FAM107B: variants seen among roughly 807,000 people sequenced by gnomAD.
The protein encoded by FAM107B is family with sequence similarity 107 member B, also known as protein FAM107B.
Under a neutral mutation model 31.5 loss-of-function variants are expected in FAM107B, and 21 were observed. The ratio of observed to expected loss-of-function variants is 0.67; its 90% CI spans 0.47 to 0.96. The LOEUF is 0.96. FAM107B is among the 40% of genes least tolerant of loss of function. The pLI is 0.00. For missense variants in FAM107B, 452 were observed against 377.1 expected, an observed-to-expected ratio of 1.20 and a Z score of -1.64; for synonymous variants, 157 against 141.5, an observed-to-expected ratio of 1.11 and a Z score of -0.78.
chr10:14,572,376 A>G, intron 2 of FAM107B: 1 of 985,392 alleles, frequency 1.0e-6, no homozygotes, highest in Non-Finnish European at 1.2e-6. Flanking sequence ...ACCTGACTGC[A>G]GGAAGCATGC....
intron 1 of FAM107B, among the ~76,000 whole-genome samples, chr10:14,668,190 C>T (rs1397225009): frequency 2.0e-5 from 3 of 152,044 alleles, no homozygotes; most frequent in Non-Finnish European, 4.4e-5. Flanking sequence ...TACAGGCATG[C>T]ACCACCAGGC....
intron 1 of FAM107B, among the ~76,000 whole-genome samples, chr10:14,670,447 C>T (rs1314094030): frequency 6.6e-6 from 1 of 152,178 alleles, no homozygotes; most frequent in Non-Finnish European, 1.5e-5. Flanking sequence ...CAAATAAATG[C>T]AGTAAGTCAT....
At chr10:14,679,922 A>G (rs542520248) in intron 1 of FAM107B, among the ~76,000 whole-genome samples, 14 of 152,248 alleles carry the variant, frequency 9.2e-5, no homozygotes, top group South Asian at 2.1e-4. Context: ...GCCCTCAAAC[A>G]TCGGACTCCA....
intron 1 of FAM107B, among the ~76,000 whole-genome samples, chr10:14,728,749 C>T (rs1361530172): frequency 6.6e-6 from 1 of 152,210 alleles, no homozygotes; most frequent in Non-Finnish European, 1.5e-5. Flanking sequence ...CACCTCTGAA[C>T]ACTTTCAAGT....
chr10:14,584,957 G>A (rs571973461), intron 2 of FAM107B, among the ~76,000 whole-genome samples: 3 of 152,294 alleles, frequency 2.0e-5, no homozygotes, highest in Admixed American at 6.5e-5. Context: ...TGTTGGCACA[G>A]GGTGTAACTT....
At chr10:14,642,043 G>A (rs73589367) in intron 2 of FAM107B, among the ~76,000 whole-genome samples, 3,438 of 152,214 alleles carry the variant, frequency 0.023, 121 homozygotes, top group African/African-American at 0.077. Context: ...GACAAATTAC[G>A]CACTGCCAAA....
At chr10:14,704,330 A>C (rs1372552479) in intron 1 of FAM107B, among the ~76,000 whole-genome samples, 1 of 151,808 alleles carries the variant, frequency 6.6e-6, no homozygotes, top group Non-Finnish European at 1.5e-5. Context: ...ACAATAAATG[A>C]GTCATCCAAA....
chr10:14,714,170 CT>C (rs1353024543), intron 1 of FAM107B, among the ~76,000 whole-genome samples: 1 of 152,190 alleles, frequency 6.6e-6, no homozygotes, highest in African/African-American at 2.4e-5. Flanking sequence ...GTATTTACCC[CT>C]GAGCCTAAAA....
chr10:14,712,316 G>C (rs1479068933), intron 1 of FAM107B, among the ~76,000 whole-genome samples: 1 of 152,048 alleles, frequency 6.6e-6, no homozygotes. Flanking sequence ...TTGGGGCCGG[G>C]TGCGTGGCTC....
Position 14,530,533 on chromosome 10 carries a change from G to C in FAM107B, c.470-18C>G, listed in dbSNP as rs1409310641. ...TGGGCTGTCTGAAAGAGAAAGATGAGAAACACTCATTTGCAGTTTTTGCTA... is the reference window on the plus strand; with the variant it reads ...TGGGCTGTCTGAAAGAGAAAGATGACAAACACTCATTTGCAGTTTTTGCTA... On this transcript the variant is annotated intron_variant, in intron 2 of 4. Coordinates refer to ENST00000181796, the MANE Select transcript of FAM107B (RefSeq NM_031453.4). The C allele has an allele frequency of 1.2e-6, 2 of 1,609,716 alleles. No individual in the cohort carries two copies. Among genetic ancestry groups the C allele is most frequent in the East Asian group, 4.5e-5 (2 of 44,854 alleles).
At chr10:14,750,527 G>C (rs535547671) in intron 1 of FAM107B, among the ~76,000 whole-genome samples, 1 of 152,162 alleles carries the variant, frequency 6.6e-6, no homozygotes, top group Non-Finnish European at 1.5e-5. Context: ...CGGGAGAATC[G>C]CTTGAACCCG....
intron 2 of FAM107B, among the ~76,000 whole-genome samples, chr10:14,615,149 T>C (rs966133859): frequency 8.6e-5 from 13 of 151,954 alleles, no homozygotes; most frequent in Non-Finnish European, 1.8e-4. Context: ...TCCAATATAG[T>C]GAAAACTCAT....
intron 2 of FAM107B, among the ~76,000 whole-genome samples, chr10:14,609,349 C>T (rs1346293180): frequency 6.6e-6 from 1 of 152,176 alleles, no homozygotes; most frequent in Non-Finnish European, 1.5e-5. Context: ...CATAGTTCAT[C>T]TTGTCTGGAG....
chr10:14,561,593 G>T (rs188754412), intron 2 of FAM107B, among the ~76,000 whole-genome samples: 6 of 152,314 alleles, frequency 3.9e-5, no homozygotes, highest in Non-Finnish European at 7.4e-5. Flanking sequence ...AAAACCACAG[G>T]GGGGAGGGCA....
chr10:14,520,983 G>A lies in FAM107B; in HGVS notation c.*207C>T, dbSNP rs1845571890. 3 of 512,788 alleles carry A rather than the reference G, an allele frequency of 5.9e-6. 1 individual carries two copies. The highest frequency in any genetic ancestry group is 6.1e-5 in the South Asian group (2 of 32,990). 31.8% of individuals were successfully genotyped at this position (512,788 alleles called of 1,614,324 possible). A position where few individuals can be genotyped will look rare whatever the true frequency, so the allele number is the denominator to read the frequency against. On this transcript the variant is annotated 3_prime_UTR_variant, in exon 5 of 5. Transcript: ENST00000181796. ...GTCCATCATTCCAACTTACGTGCGG[G>A]GCACTGCCCTTCATTTGGCGAATAG...
At chr10:14,768,078 G>A (rs1833221443) in intron 1 of FAM107B, among the ~76,000 whole-genome samples, 1 of 151,948 alleles carries the variant, frequency 6.6e-6, no homozygotes, top group Non-Finnish European at 1.5e-5. Flanking sequence ...AAAATATTTA[G>A]GAATTAGCTT....
intron 2 of FAM107B, among the ~76,000 whole-genome samples, chr10:14,586,978 A>G (rs1187447618): frequency 6.6e-6 from 1 of 152,342 alleles, no homozygotes. Flanking sequence ...ATTGAGTCCT[A>G]TGAGAATGGA....
Position 14,611,831 on chromosome 10 carries a change from A to AAT in FAM107B, c.469+55801_469+55802dup, listed in dbSNP as rs574651582. ...TCATTCATTTATAAATATGTATAAA[A>AAT]ATATATATGCATAAATTTTTCCTTG... On this transcript the variant is annotated intron_variant, in intron 2 of 4. Coordinates refer to ENST00000181796, the MANE Select transcript of FAM107B (RefSeq NM_031453.4). Among the ~76,000 whole-genome samples, 531 of 152,054 alleles carry AAT rather than the reference A, an allele frequency of 3.5e-3. 6 individuals carry two copies. Among genetic ancestry groups the AAT allele is most frequent in the African/African-American group, 0.012 (510 of 41,480 alleles).
chr10:14,725,160 G>GCT (rs1376932921), intron 1 of FAM107B, among the ~76,000 whole-genome samples: 1 of 152,158 alleles, frequency 6.6e-6, no homozygotes, highest in Non-Finnish European at 1.5e-5. Context: ...GAGACTCTCA[G>GCT]ACGGTCAGCA....
Sources: allele counts gnomAD v4.1 joint callset (sites outside exome capture counted in the v4.1 genomes callset), GRCh38; gene constraint gnomAD v4.1.1; transcripts MANE v1.5; gene names NCBI Gene and HGNC (gene_info 2026-07-23, HGNC 2026-07-21).